SLC39A11: variants seen among roughly 807,000 people sequenced by gnomAD.
SLC39A11 encodes the protein zinc transporter ZIP11.
SLC39A11 carries 33 observed loss-of-function variants against 36.1 expected under a neutral mutation model. The observed-to-expected ratio is 0.91, with a 90% CI of 0.69 to 1.22. The LOEUF (loss-of-function observed/expected upper bound fraction) is 1.22, where lower values mean the gene tolerates loss of function less well. Ranked by LOEUF, SLC39A11 falls within the 50% of genes most tolerant of loss-of-function variation. The pLI is 0.00. For synonymous variants in SLC39A11, 166 were observed against 170.3 expected (o/e 0.97, Z 0.20); for missense variants, 432 against 430.3 (o/e 1.00, Z -0.03).
intron 5 of SLC39A11, among the ~76,000 whole-genome samples, chr17:72,871,056 G>GTTTTTT (rs34776144): frequency 3.2e-5 from 4 of 124,304 alleles, no homozygotes; most frequent in Non-Finnish European, 5.0e-5. Flanking sequence ...TTTTGTTTTT[G>GTTTTTT]TTTTTTTTTT....
At chr17:72,840,629 G>T (rs958797227) in intron 6 of SLC39A11, among the ~76,000 whole-genome samples, 13 of 152,298 alleles carry the variant, frequency 8.5e-5, no homozygotes, top group Middle Eastern at 3.4e-3. Context: ...CGTGGTGGTG[G>T]GTGCCTGTAA....
chr17:73,011,077 T>C (rs201115228), intron 4 of SLC39A11, among the ~76,000 whole-genome samples: 1 of 151,264 alleles, frequency 6.6e-6, no homozygotes, highest in Non-Finnish European at 1.5e-5. Flanking sequence ...AGGCCCCCGG[T>C]ACACAGGCAC....
At chr17:72,999,942 ATG>A (rs750500366) in intron 4 of SLC39A11, among the ~76,000 whole-genome samples, 17 of 151,890 alleles carry the variant, frequency 1.1e-4, no homozygotes, top group Non-Finnish European at 1.8e-4. Context: ...GGGTTTCGCC[ATG>A]TTACCCTGGC....
chr17:72,915,855 T>C (rs1567946591), intron 5 of SLC39A11, among the ~76,000 whole-genome samples: 1 of 152,148 alleles, frequency 6.6e-6, no homozygotes, highest in East Asian at 1.9e-4. Flanking sequence ...GTCTGCTAAG[T>C]AGACATTTTT....
chr17:73,079,873 C>A (rs958081723), intron 3 of SLC39A11, among the ~76,000 whole-genome samples: 1 of 152,080 alleles, frequency 6.6e-6, no homozygotes, highest in Admixed American at 6.5e-5. Context: ...AGAATCAAAG[C>A]AAAAACTCAA....
chr17:72,826,016 A>G (rs572913293), intron 6 of SLC39A11, among the ~76,000 whole-genome samples: 1 of 152,296 alleles, frequency 6.6e-6, no homozygotes, highest in East Asian at 1.9e-4. Context: ...TTGTATTTTA[A>G]AATGTGAGAA....
At chr17:72,944,222 G>A (rs2085285624) in intron 5 of SLC39A11, among the ~76,000 whole-genome samples, 2 of 152,188 alleles carry the variant, frequency 1.3e-5, no homozygotes, top group South Asian at 4.1e-4. Context: ...AAAAGCCAGT[G>A]CCACGGTATT....
intron 7 of SLC39A11, among the ~76,000 whole-genome samples, chr17:72,685,849 G>A (rs1050917057): frequency 3.9e-5 from 6 of 151,964 alleles, no homozygotes; most frequent in African/African-American, 1.5e-4. Context: ...GACCAGCCTG[G>A]GCAACATGAA....
chr17:73,022,827 CAG>C, intron 4 of SLC39A11, among the ~76,000 whole-genome samples: 1 of 152,040 alleles, frequency 6.6e-6, no homozygotes, highest in Non-Finnish European at 1.5e-5. Flanking sequence ...GCCTGAATGC[CAG>C]CTCTCTCCAA....
chr17:73,064,258 C>A (rs915524852), intron 3 of SLC39A11, among the ~76,000 whole-genome samples: 4 of 152,136 alleles, frequency 2.6e-5, no homozygotes, highest in African/African-American at 9.7e-5. Context: ...TGGCCCTGAG[C>A]CAAAGTCAGA....
intron 3 of SLC39A11, among the ~76,000 whole-genome samples, chr17:73,070,499 G>A (rs2060130193): frequency 6.6e-6 from 1 of 152,132 alleles, no homozygotes; most frequent in Admixed American, 6.5e-5. Context: ...GTTACATGGA[G>A]CCTTTGAAGG....
At chr17:72,983,181 ACTCTGT>A (rs2088462563) in intron 4 of SLC39A11, among the ~76,000 whole-genome samples, 4 of 150,986 alleles carry the variant, frequency 2.6e-5, no homozygotes, top group Admixed American at 2.6e-4. Context: ...ACCAAGTCTC[ACTCTGT>A]AGCCCAGGCT....
At chr17:72,760,589 T>C (rs2075543286) in intron 6 of SLC39A11, among the ~76,000 whole-genome samples, 1 of 152,186 alleles carries the variant, frequency 6.6e-6, no homozygotes, top group African/African-American at 2.4e-5. Flanking sequence ...TGAGAACATG[T>C]GGGTGACTCA....
intron 5 of SLC39A11, among the ~76,000 whole-genome samples, chr17:72,858,316 T>C (rs1469842568): frequency 2.0e-5 from 3 of 152,230 alleles, no homozygotes; most frequent in African/African-American, 4.8e-5. Flanking sequence ...GGGTTTTCTA[T>C]TCTGTTCCAT....
intron 5 of SLC39A11, among the ~76,000 whole-genome samples, chr17:72,868,716 G>T (rs936418434): frequency 1.8e-4 from 28 of 152,014 alleles, no homozygotes; most frequent in Admixed American, 1.7e-3. Context: ...GGCTGAGGTG[G>T]GAGGATAGTT....
chr17:72,934,863 AAAAAC>A (rs1249974529), intron 5 of SLC39A11, among the ~76,000 whole-genome samples: 1 of 152,218 alleles, frequency 6.6e-6, no homozygotes, highest in South Asian at 2.1e-4. Flanking sequence ...CTCAAGTTTT[AAAAAC>A]AAAACAAAAC....
At chr17:72,979,283 T>C (rs908718576) in intron 4 of SLC39A11, among the ~76,000 whole-genome samples, 69 of 152,314 alleles carry the variant, frequency 4.5e-4, no homozygotes, top group African/African-American at 1.6e-3. Flanking sequence ...CACGCAGAAC[T>C]GTGAGTCAAT....
At chr17:72,984,378 TAAA>T (rs35999729) in intron 4 of SLC39A11, among the ~76,000 whole-genome samples, 4 of 146,754 alleles carry the variant, frequency 2.7e-5, no homozygotes, top group Non-Finnish European at 3.0e-5. Flanking sequence ...CTCAGACATT[TAAA>T]AAAAAAAAAA....
intron 6 of SLC39A11, among the ~76,000 whole-genome samples, chr17:72,832,614 C>T (rs185752710): frequency 6.6e-6 from 1 of 152,268 alleles, no homozygotes; most frequent in East Asian, 1.9e-4. Flanking sequence ...TCATTTCACC[C>T]ACTGTATTTA....
Sources: gnomAD v4.1 joint callset for allele counts (sites outside exome capture counted in the v4.1 genomes callset) on GRCh38, gnomAD v4.1.1 for gene constraint, MANE v1.5 for transcripts, NCBI Gene and HGNC (gene_info 2026-07-23, HGNC 2026-07-21) for gene names.